Variants in CA8 observed in about 807,000 individuals in gnomAD.
CA8 encodes carbonic anhydrase 8 (inactive).
Under a neutral mutation model 41.4 loss-of-function variants are expected in CA8, and 22 were observed. That is an observed-to-expected ratio of 0.53 (90% CI 0.38 to 0.76). The LOEUF is 0.76. Among genes scored for constraint, CA8 ranks in the 30% least tolerant of loss-of-function variants. The pLI, the probability that CA8 is intolerant of heterozygous loss-of-function variation, is 0.00. For missense variants in CA8, 270 were observed against 352.8 expected, an observed-to-expected ratio of 0.77 and a Z score of 1.88; for synonymous variants, 121 against 130.6, an observed-to-expected ratio of 0.93 and a Z score of 0.50.
At chr8:60,226,449 G>A (rs977476569) in intron 5 of CA8, among the ~76,000 whole-genome samples, 3 of 152,172 alleles carry the variant, frequency 2.0e-5, no homozygotes, top group African/African-American at 7.2e-5. Flanking sequence ...TGGCGAAGAG[G>A]GCAGGGAGAC....
intron 6 of CA8, among the ~76,000 whole-genome samples, chr8:60,223,649 T>C (rs1332615708): frequency 6.6e-6 from 1 of 152,220 alleles, no homozygotes; most frequent in African/African-American, 2.4e-5. Flanking sequence ...AGCAAAATAC[T>C]AAAATCATAT....
In CA8 at chr8:60,198,714, T is replaced by C. The variant is rs147692049; in HGVS notation, c.*36-8729A>G. Reference sequence around the variant, plus strand: ...TCAAAGTCAATGAAATTAAGTTGAATTGGGATTTGGGCAACTATTATAATG... The same window carrying C: ...TCAAAGTCAATGAAATTAAGTTGAACTGGGATTTGGGCAACTATTATAATG... On this transcript the variant is annotated intron_variant, in intron 8 of 8. Coordinates refer to ENST00000317995, the MANE Select transcript of CA8 (RefSeq NM_004056.6). Among the ~76,000 whole-genome samples the C allele has an allele frequency of 3.9e-3, 597 of 152,270 alleles. 4 individuals carry two copies. The highest frequency in any genetic ancestry group is 0.013 in the African/African-American group (549 of 41,564).
In CA8 at chr8:60,185,579, A is replaced by C. The variant is rs1805941691; in HGVS notation, c.*4442T>G. Among the ~76,000 whole-genome samples the C allele has an allele frequency of 6.6e-6, 1 of 152,180 alleles. No individual in the cohort carries two copies. Among genetic ancestry groups the C allele is most frequent in the South Asian group, 2.1e-4 (1 of 4,828 alleles). ...GAAACCATTTGTTTTTGAAAGCAGA[A>C]ACAGAAAAACGATTTGTCTTGTAGA... On this transcript the variant is annotated 3_prime_UTR_variant, in exon 9 of 9. Transcript: ENST00000317995.
At chr8:60,254,993 T>A (rs1026903313) in intron 3 of CA8, among the ~76,000 whole-genome samples, 1 of 152,144 alleles carries the variant, frequency 6.6e-6, no homozygotes, top group Non-Finnish European at 1.5e-5. Context: ...CAGAGCTTTG[T>A]CCTCTTGCTA....
intron 3 of CA8, among the ~76,000 whole-genome samples, chr8:60,243,430 T>TAAAAA (rs200587653): frequency 3.2e-4 from 45 of 141,460 alleles, no homozygotes; most frequent in African/African-American, 1.1e-3. Flanking sequence ...TTCTCCTCTT[T>TAAAAA]AAAAAAAAAA....
chr8:60,257,501 T>G (rs992665760), intron 3 of CA8, among the ~76,000 whole-genome samples: 3 of 152,232 alleles, frequency 2.0e-5, no homozygotes, highest in Non-Finnish European at 4.4e-5. Context: ...AGAGGTTAGA[T>G]GTAAATCTAG....
intron 3 of CA8, among the ~76,000 whole-genome samples, chr8:60,254,416 C>T (rs951492519): frequency 1.3e-5 from 2 of 152,148 alleles, no homozygotes; most frequent in African/African-American, 4.8e-5. Flanking sequence ...TATGTAGACC[C>T]CTTTAATATA....
intron 3 of CA8, among the ~76,000 whole-genome samples, chr8:60,245,653 A>G (rs1808203011): frequency 6.6e-6 from 1 of 152,224 alleles, no homozygotes; most frequent in African/African-American, 2.4e-5. Flanking sequence ...TTAACACACT[A>G]GTGACCTGAA....
chr8:60,185,852 C>CA lies in CA8; in HGVS notation c.*4168dup, dbSNP rs975996010. Among the ~76,000 whole-genome samples, 63 of 141,648 alleles carry CA rather than the reference C, an allele frequency of 4.4e-4. No individual in the cohort carries two copies. The highest frequency in any genetic ancestry group is 1.1e-3 in the Admixed American group (15 of 14,262). The allele number at this position is 141,648 out of a possible 152,430, so 92.9% of individuals were successfully genotyped here. ...CCCAGATACTAATTTGAATCCATTCCAAAAAAAAAAGGGCACTGGTAAATG... is the reference window on the plus strand; with the variant it reads ...CCCAGATACTAATTTGAATCCATTCCAAAAAAAAAAAGGGCACTGGTAAATG... On this transcript the variant is annotated 3_prime_UTR_variant, in exon 9 of 9. Coordinates refer to ENST00000317995, the MANE Select transcript of CA8 (RefSeq NM_004056.6).
rs551056318 is a variant in CA8, at chr8:60,222,599, A to G, written c.738+50T>C. The G allele has an allele frequency of 3.5e-6, 4 of 1,143,806 alleles. No homozygotes were observed. The African/African-American group carries it at 4.5e-5, about 13-fold the overall frequency. 70.9% of individuals were successfully genotyped at this position (1,143,806 alleles called of 1,614,324 possible). On this transcript the variant is annotated intron_variant, in intron 7 of 8. Transcript: ENST00000317995. ...ACAGACATTTTCCTTTCTCAGAAAC[A>G]ATGTTTAACTCAGAACTTCACTCTG...
chr8:60,261,677 G>T (rs992805817), intron 3 of CA8, among the ~76,000 whole-genome samples: 1 of 152,130 alleles, frequency 6.6e-6, no homozygotes, highest in African/African-American at 2.4e-5. Context: ...ATAAAATGAT[G>T]AAGACAGCAG....
chr8:60,265,391 GT>G (rs1803869010), intron 3 of CA8: 1 of 160,584 alleles, frequency 6.2e-6, no homozygotes. Flanking sequence ...TTTCAACTGC[GT>G]ATCAAAGAAA....
intron 8 of CA8, among the ~76,000 whole-genome samples, chr8:60,203,462 T>C (rs1022329567): frequency 2.6e-5 from 4 of 152,162 alleles, no homozygotes; most frequent in African/African-American, 7.2e-5. Context: ...CTGAATGAGG[T>C]AGACTTTTAG....
intron 7 of CA8, among the ~76,000 whole-genome samples, chr8:60,218,053 T>C (rs551680335): frequency 2.4e-4 from 36 of 152,194 alleles, no homozygotes; most frequent in African/African-American, 8.2e-4. Context: ...TCCAACCCCC[T>C]CATGTCGCAG....
intron 8 of CA8, among the ~76,000 whole-genome samples, chr8:60,194,192 A>C (rs2130380345): frequency 6.6e-6 from 1 of 152,182 alleles, no homozygotes; most frequent in African/African-American, 2.4e-5. Context: ...TTCTCTTCTT[A>C]CAAAGTATTT....
intron 8 of CA8, among the ~76,000 whole-genome samples, chr8:60,197,647 C>G (rs1230533962): frequency 6.6e-6 from 1 of 152,162 alleles, no homozygotes; most frequent in Non-Finnish European, 1.5e-5. Flanking sequence ...TCCATCACAA[C>G]CCCCAGTGCT....
chr8:60,244,073 A>G (rs928000579), intron 3 of CA8, among the ~76,000 whole-genome samples: 1 of 152,172 alleles, frequency 6.6e-6, no homozygotes, highest in Non-Finnish European at 1.5e-5. Flanking sequence ...CGCCCCTCGG[A>G]CTGTGTCTTT....
At chr8:60,232,403 C>A in intron 3 of CA8, 24 bp from the exon 4 acceptor site, 1 of 1,470,944 alleles carries the variant, frequency 6.8e-7, no homozygotes, top group South Asian at 1.1e-5. Flanking sequence ...AACAGACAGA[C>A]CACATCATTT....
chr8:60,194,274 T>G (rs1313884586), intron 8 of CA8, among the ~76,000 whole-genome samples: 1 of 152,160 alleles, frequency 6.6e-6, no homozygotes, highest in Non-Finnish European at 1.5e-5. Flanking sequence ...TATCTGTAAC[T>G]GTTCATATCT....
Sources: gnomAD v4.1 joint callset for allele counts (sites outside exome capture counted in the v4.1 genomes callset) on GRCh38, gnomAD v4.1.1 for gene constraint, MANE v1.5 for transcripts, NCBI Gene and HGNC (gene_info 2026-07-23, HGNC 2026-07-21) for gene names.